TAMM41: variants seen among roughly 807,000 people sequenced by gnomAD.
The protein encoded by TAMM41 is phosphatidate cytidylyltransferase, mitochondrial.
Under a neutral mutation model 44.1 loss-of-function variants are expected in TAMM41, and 36 were observed. That is an observed-to-expected ratio of 0.82 (90% CI 0.63 to 1.08). The LOEUF is 1.08. Among genes scored for constraint, TAMM41 ranks in the 50% least tolerant of loss-of-function variants. TAMM41 has a pLI of 0.00. For missense variants in TAMM41, 417 were observed against 404.3 expected, an observed-to-expected ratio of 1.03 and a Z score of -0.27; for synonymous variants, 164 against 153.1, an observed-to-expected ratio of 1.07 and a Z score of -0.53.
At chr3:11,747,877 A>G in the TAMM41 span, among the ~76,000 whole-genome samples, 1 of 38,846 alleles carries the variant, frequency 2.6e-5, no homozygotes, top group East Asian at 1.3e-3. Context: ...CTATTTATTT[A>G]TTTATTTTTT....
the TAMM41 span, among the ~76,000 whole-genome samples, chr3:11,739,339 A>T: frequency 2.6e-5 from 4 of 152,152 alleles, no homozygotes; most frequent in Non-Finnish European, 5.9e-5. Context: ...GAGAATCTGG[A>T]TTTCCCAGCT....
chr3:11,752,946 C>T, the TAMM41 span, among the ~76,000 whole-genome samples: 352 of 152,024 alleles, frequency 2.3e-3, 3 homozygotes, highest in African/African-American at 7.9e-3. Context: ...TTAGCCACCA[C>T]GCCTGGCCCA....
At chr3:11,729,539 A>ATT in the TAMM41 span, among the ~76,000 whole-genome samples, 30 of 32,290 alleles carry the variant, frequency 9.3e-4, 5 homozygotes, top group East Asian at 3.2e-3. Flanking sequence ...TCTTTCTTTC[A>ATT]TTTTTTTTTT....
At chr3:11,807,306 G>A (rs564226902) in intron 7 of TAMM41, 234 of 1,444,938 alleles carry the variant, frequency 1.6e-4, no homozygotes, top group Non-Finnish European at 2.0e-4. Context: ...GGGAGGGTGC[G>A]TACATTTGAT....
At chr3:11,758,009 G>A in the TAMM41 span, among the ~76,000 whole-genome samples, 1 of 152,126 alleles carries the variant, frequency 6.6e-6, no homozygotes, top group Non-Finnish European at 1.5e-5. Flanking sequence ...GTAAGTCTGG[G>A]GCCCCCATTC....
the TAMM41 span, among the ~76,000 whole-genome samples, chr3:11,731,313 T>C: frequency 6.6e-6 from 1 of 152,152 alleles, no homozygotes; most frequent in Non-Finnish European, 1.5e-5. Flanking sequence ...CATCATCCTC[T>C]TTCCAGGACA....
the TAMM41 span, among the ~76,000 whole-genome samples, chr3:11,729,534 CTTTCATTTTTTTTTTTTTTT>C: frequency 4.6e-5 from 2 of 43,046 alleles, no homozygotes; most frequent in South Asian, 8.1e-4. Context: ...TCTTTTCTTT[CTTTCATTTTTTTTTTTTTTT>C]TTTTTTTTTT....
chr3:11,809,414 T>C (rs2078017828), intron 6 of TAMM41, 103 bp downstream of exon 6: 2 of 1,378,282 alleles, frequency 1.5e-6, no homozygotes, highest in Middle Eastern at 1.8e-4. Context: ...GCAATCTCTC[T>C]ATCTCGCTAA....
chr3:11,839,337 C>T (rs768961533), intron 2 of TAMM41, 23 bp from the exon 3 acceptor site: 10 of 1,457,292 alleles, frequency 6.9e-6, no homozygotes, highest in Non-Finnish European at 9.6e-6. Flanking sequence ...AGAAATGGCA[C>T]AAAACGGAGT....
intron 5 of TAMM41, among the ~76,000 whole-genome samples, chr3:11,814,211 C>A (rs535568708): frequency 1.3e-5 from 2 of 151,958 alleles, no homozygotes; most frequent in South Asian, 4.2e-4. Flanking sequence ...TTTAAAAAAT[C>A]AGGCCAGGAA....
chr3:11,808,090 G>T, intron 6 of TAMM41, 195 bp from the exon 7 acceptor site: 1 of 1,161,068 alleles, frequency 8.6e-7, no homozygotes, highest in Non-Finnish European at 1.2e-6. Flanking sequence ...GCAGCCAGCC[G>T]TGGCGCCACC....
At chr3:11,839,010 G>A (rs2125057954) in intron 3 of TAMM41, among the ~76,000 whole-genome samples, 1 of 152,174 alleles carries the variant, frequency 6.6e-6, no homozygotes, top group Admixed American at 6.5e-5. Context: ...TCTGAACCAG[G>A]AGCCCAAGGA....
intron 7 of TAMM41, among the ~76,000 whole-genome samples, chr3:11,795,283 T>A (rs1433596681): frequency 6.6e-6 from 1 of 152,144 alleles, no homozygotes; most frequent in African/African-American, 2.4e-5. Flanking sequence ...ATTTAAAAAT[T>A]AAACTCATCA....
chr3:11,830,012 A>G, intron 3 of TAMM41, 148 bp from the exon 4 acceptor site: 1 of 682,826 alleles, frequency 1.5e-6, no homozygotes, highest in Non-Finnish European at 2.4e-6. Flanking sequence ...TGTTCCTCTA[A>G]TAAGTAATCC....
the TAMM41 span, among the ~76,000 whole-genome samples, chr3:11,748,264 G>A: frequency 8.6e-6 from 1 of 115,982 alleles, no homozygotes; most frequent in African/African-American, 3.6e-5. Context: ...AATATTTTCT[G>A]TACTCTTTTA....
At chr3:11,732,331 T>TCC in the TAMM41 span, among the ~76,000 whole-genome samples, 10 of 150,560 alleles carry the variant, frequency 6.6e-5, no homozygotes, top group Admixed American at 1.3e-4. Context: ...TCCCTCTCTC[T>TCC]CTCCCTCCCT....
intron 4 of TAMM41, among the ~76,000 whole-genome samples, chr3:11,827,286 G>GCTTT (rs547605869): frequency 1.3e-5 from 2 of 148,216 alleles, no homozygotes; most frequent in Non-Finnish European, 3.0e-5. Flanking sequence ...GAGTTAGAAA[G>GCTTT]CTTTCTTTCT....
At chr3:11,784,552 G>A in the TAMM41 span, among the ~76,000 whole-genome samples, 40 of 152,108 alleles carry the variant, frequency 2.6e-4, no homozygotes, top group Non-Finnish European at 4.3e-4. Context: ...CCTTCCTTGC[G>A]TGGTAATGTG....
At chr3:11,793,905 T>C (rs1388772984) in intron 7 of TAMM41, among the ~76,000 whole-genome samples, 2 of 152,282 alleles carry the variant, frequency 1.3e-5, no homozygotes, top group South Asian at 2.1e-4. Context: ...TTTGTGGAAA[T>C]TCATCAGATT....
Sources: allele counts gnomAD v4.1 joint callset (sites outside exome capture counted in the v4.1 genomes callset), GRCh38; gene constraint gnomAD v4.1.1; transcripts MANE v1.5; gene names NCBI Gene and HGNC (gene_info 2026-07-23, HGNC 2026-07-21).